The following GRK1 variants were observed in gnomAD, a reference collection of about 807,000 sequenced individuals.
The protein encoded by GRK1 is rhodopsin kinase GRK1.
Under a neutral mutation model 41.7 loss-of-function variants are expected in GRK1, and 28 were observed. That is an observed-to-expected ratio of 0.67 (90% CI 0.50 to 0.92). The LOEUF is 0.92. Among genes scored for constraint, GRK1 ranks in the 40% least tolerant of loss-of-function variants. The probability of loss-of-function intolerance (pLI) is 0.00; values close to 1 mark genes in which losing one functional copy is unlikely to be tolerated. For synonymous variants in GRK1, 327 were observed against 286.7 expected, an observed-to-expected ratio of 1.14 and a Z score of -1.42; for missense variants, 703 against 671.2, an observed-to-expected ratio of 1.05 and a Z score of -0.52.
chr13:113,669,950 C>T (rs2049845870), intron 2 of GRK1, 136 bp downstream of exon 2: 1 of 1,046,080 alleles, frequency 9.6e-7, no homozygotes, highest in Non-Finnish European at 1.4e-6. Flanking sequence ...GCACCCATCA[C>T]AATCCCCTTC....
At chr13:113,649,666 C>G in the GRK1 span, 1 of 1,044,688 alleles carries the variant, frequency 9.6e-7, no homozygotes, top group South Asian at 2.1e-5. This position sits in a 1 kb window ranked among gnomAD's most constrained non-coding sequence, Gnocchi z 4.7. Flanking sequence ...CTGGCCCTGA[C>G]CGAGTGCATG....
chr13:113,671,885 C>T lies in GRK1; in HGVS notation c.985+229C>T, dbSNP rs1411789814. Among the ~76,000 whole-genome samples the T allele has an allele frequency of 1.3e-5, 2 of 152,100 alleles. No individual in the cohort carries two copies. Among genetic ancestry groups the T allele is most frequent in the Non-Finnish European group, 2.9e-5 (2 of 67,996 alleles). On this transcript the variant is annotated intron_variant, in intron 3 of 6. Transcript: ENST00000335678. The surrounding 1 kb of genome is among the most constrained non-coding windows in gnomAD (Gnocchi z 4.1). ...CCAGCTGGGAACGGCGAGTCTGTTACGCCCAGTCCCCACCTTCCTTCTGCC... is the reference window on the plus strand; with the variant it reads ...CCAGCTGGGAACGGCGAGTCTGTTATGCCCAGTCCCCACCTTCCTTCTGCC...
At chr13:113,734,057 T>A (rs1291339075) in intron 6 of GRK1, among the ~76,000 whole-genome samples, 1 of 151,962 alleles carries the variant, frequency 6.6e-6, no homozygotes, top group African/African-American at 2.4e-5. Context: ...CATACGTGTG[T>A]GTGCATGTGT....
Position 113,671,690 on chromosome 13 carries a change from C to CT in GRK1, c.985+35dup. The CT allele has an allele frequency of 1.4e-6, 1 of 720,898 alleles. No individual in the cohort carries two copies. 44.7% of individuals were successfully genotyped at this position (720,898 alleles called of 1,614,324 possible). On this transcript the variant is annotated intron_variant, in intron 3 of 6. Coordinates refer to ENST00000335678, the MANE Select transcript of GRK1 (RefSeq NM_002929.3). The surrounding 1 kb of genome is among the most constrained non-coding windows in gnomAD (Gnocchi z 4.1). ...TGCCCTCGGCTGGGAGGGATGAGGG[C>CT]TACGAGGAGGGCGGGGCGCAGCTTC...
chr13:113,659,829 C>A, the GRK1 span, among the ~76,000 whole-genome samples: 2 of 152,110 alleles, frequency 1.3e-5, no homozygotes, highest in African/African-American at 4.8e-5. Flanking sequence ...GCAGTAAAGG[C>A]CACAGTCTGA....
At chr13:113,668,132 G>T in intron 1 of GRK1, 47 bp downstream of exon 1, 1 of 1,550,158 alleles carries the variant, frequency 6.5e-7, no homozygotes, top group Non-Finnish European at 8.7e-7. Flanking sequence ...CAGGGTGCAG[G>T]GATGGGGCGG....
At chr13:113,651,866 G>T in the GRK1 span, 2 of 976,152 alleles carry the variant, frequency 2.0e-6, no homozygotes, top group Non-Finnish European at 2.9e-6. Flanking sequence ...CCTTGGTCTG[G>T]TTTGCGGCTT....
the GRK1 span, chr13:113,653,405 C>T: frequency 6.2e-7 from 1 of 1,614,250 alleles, no homozygotes; most frequent in African/African-American, 1.3e-5. Flanking sequence ...AGGCCTTTCT[C>T]CCCGTAAACA....
At position 113,731,410 on chromosome 13, in the gene GRK1, A is replaced by G; in HGVS notation, c.1194+67A>G. 5.2e-6 allele frequency: 8 copies of G among 1,527,798 alleles called. No homozygotes were observed. In the South Asian group the frequency reaches 9.6e-5, roughly 18 times the overall value. The allele number at this position is 1,527,798 out of a possible 1,614,324, so 94.6% of individuals were successfully genotyped here. On this transcript the variant is annotated intron_variant, in intron 5 of 6. Coordinates refer to ENST00000335678, the MANE Select transcript of GRK1 (RefSeq NM_002929.3). This position sits in a 1 kb window ranked among gnomAD's most constrained non-coding sequence, Gnocchi z 5.6. The stretch of plus-strand genomic sequence containing the variant: ...CCCTGGCTCTCGATGGGGACGGGGC[A>G]GTGATGGGATCGTTACTGGGGCAGA...
At chr13:113,656,775 GA>G in the GRK1 span, among the ~76,000 whole-genome samples, 3 of 152,154 alleles carry the variant, frequency 2.0e-5, no homozygotes, top group Non-Finnish European at 4.4e-5. Context: ...GCCAGGCAGT[GA>G]GACCATTCCA....
intron 4 of GRK1, among the ~76,000 whole-genome samples, chr13:113,727,563 G>A (rs1010605197): frequency 4.6e-5 from 7 of 151,394 alleles, no homozygotes; most frequent in Admixed American, 2.6e-4. Flanking sequence ...TACCCATGGC[G>A]ATGAGGACCC....
At chr13:113,650,712 G>T in the GRK1 span, among the ~76,000 whole-genome samples, 2 of 152,206 alleles carry the variant, frequency 1.3e-5, no homozygotes, top group African/African-American at 4.8e-5. The surrounding 1 kb of genome is among the most constrained non-coding windows in gnomAD (Gnocchi z 5.0). Flanking sequence ...CATGCAAAAT[G>T]CCCAGTGACC....
rs1321308907 is a variant in GRK1 at position 113,671,521 on chromosome 13, G to A, written c.850G>A (p.Glu284Lys). 1.3e-6 allele frequency: 1 copy of A among 779,372 alleles called. No individual in the cohort carries two copies. Among genetic ancestry groups the A allele is most frequent in the Non-Finnish European group, 2.4e-6 (1 of 417,968 alleles). The allele number at this position is 779,372 out of a possible 1,614,324, so 48.3% of individuals were successfully genotyped here. The change falls in exon 3 of 7, where the codon GAG becomes AAG. Residue 284 changes from glutamate (E) to lysine (K), a missense_variant. Coordinates refer to ENST00000335678, the MANE Select transcript of GRK1 (RefSeq NM_002929.3). This position sits in a 1 kb window ranked among gnomAD's most constrained non-coding sequence, Gnocchi z 4.1. ...CAGGTACCACATCTACAACGTGAAT[G>A]AGGAGAACCCTGGCTTCCCGGAGCC... ...DIRYHIYNVN[E>K]ENPGFPEPRA... is the part of the protein sequence containing the mutation.
At chr13:113,668,156 G>A in intron 1 of GRK1, 71 bp downstream of exon 1, 2 of 1,472,064 alleles carry the variant, frequency 1.4e-6, no homozygotes, top group Non-Finnish European at 9.2e-7. Flanking sequence ...GGTGCAGAGG[G>A]CCCCCAGGTC....
At chr13:113,663,861 C>T (rs958906953), upstream of GRK1, among the ~76,000 whole-genome samples, 2 of 152,166 alleles carry the variant, frequency 1.3e-5, no homozygotes, top group African/African-American at 2.4e-5. Flanking sequence ...TAAAATGGCA[C>T]GGCCACTCCA....
Position 113,735,312 on chromosome 13 carries a change from C to T in GRK1, c.1641C>T (p.Ile547=), listed in dbSNP as rs1261004739. 6.5e-7 allele frequency: 1 copy of T among 1,530,764 alleles called. No homozygotes were observed. Among genetic ancestry groups the T allele is most frequent in the East Asian group, 2.5e-5 (1 of 40,732 alleles). The allele number at this position is 1,530,764 out of a possible 1,614,324, so 94.8% of individuals were successfully genotyped here. Residue 547 remains isoleucine (I), a synonymous_variant, in exon 7 of 7, where the codon ATC becomes ATT. Transcript: ENST00000335678. The part of the protein sequence containing the change: ...DGQMPDDMKG[I]SGGSSSSSKS... ...AGATGCCGGACGACATGAAGGGCAT[C>T]TCCGGGGGCTCCAGCTCCTCGTCCA... is the stretch of plus-strand genomic sequence containing the variant.
At chr13:113,654,375 A>G in the GRK1 span, among the ~76,000 whole-genome samples, 6 of 152,124 alleles carry the variant, frequency 3.9e-5, no homozygotes, top group Non-Finnish European at 8.8e-5. Context: ...TGTGTAGGTG[A>G]CCAGCGGGCT....
At chr13:113,650,433 G>A in the GRK1 span, 2 of 1,614,114 alleles carry the variant, frequency 1.2e-6, no homozygotes, top group Non-Finnish European at 1.7e-6. The surrounding 1 kb of genome is among the most constrained non-coding windows in gnomAD (Gnocchi z 5.0). Context: ...AATAAGGGAA[G>A]TAGTGCAGAC....
chr13:113,733,892 T>TGTGCGC (rs1555361244), intron 6 of GRK1, among the ~76,000 whole-genome samples: 1 of 116,214 alleles, frequency 8.6e-6, no homozygotes, highest in Non-Finnish European at 1.7e-5. Flanking sequence ...CGTGTGTGCG[T>TGTGCGC]GTGTGTATGT....
Sources: gnomAD v4.1 joint callset for allele counts (sites outside exome capture counted in the v4.1 genomes callset) on GRCh38, gnomAD v4.1.1 for gene constraint, Gnocchi (gnomAD v3.1) non-coding constraint, MANE v1.5 for transcripts, NCBI Gene and HGNC (gene_info 2026-07-23, HGNC 2026-07-21) for gene names.